GRIK2: variants seen among roughly 807,000 people sequenced by gnomAD.
The protein encoded by GRIK2 is glutamate receptor ionotropic, kainate 2.
In GRIK2, 32 loss-of-function variants were observed where a neutral mutation model predicts 100.3. The observed-to-expected ratio is 0.32, with a 90% confidence interval of 0.24 to 0.43. GRIK2 has a LOEUF of 0.43. Ranked by LOEUF, GRIK2 falls within the 20% of genes least tolerant of loss-of-function variation. The pLI is 1.00. For missense variants in GRIK2, 843 were observed against 1,114.9 expected (o/e 0.76, Z 3.47); for synonymous variants, 417 against 389.4 (o/e 1.07, Z -0.83).
chr6:101,489,725 A>G (rs1234497839), intron 2 of GRIK2, among the ~76,000 whole-genome samples: 1 of 145,788 alleles, frequency 6.9e-6, no homozygotes, highest in Non-Finnish European at 1.5e-5. Context: ...GATTTTAAGG[A>G]CTCCAGATAA....
chr6:101,793,113 A>T (rs1389229443), intron 7 of GRIK2, among the ~76,000 whole-genome samples: 2 of 151,962 alleles, frequency 1.3e-5, no homozygotes, highest in South Asian at 2.1e-4. Context: ...ATTCGTCTAA[A>T]TTTTTTTCAA....
chr6:101,647,183 C>A (rs764400406), intron 4 of GRIK2, among the ~76,000 whole-genome samples: 2 of 151,912 alleles, frequency 1.3e-5, no homozygotes, highest in Non-Finnish European at 2.9e-5. Context: ...GAACGCTATA[C>A]CTGTTCATAA....
intron 2 of GRIK2, among the ~76,000 whole-genome samples, chr6:101,400,796 G>A (rs1775262234): frequency 6.6e-6 from 1 of 152,174 alleles, no homozygotes; most frequent in Admixed American, 6.5e-5. Flanking sequence ...GATGCCCACA[G>A]TCAAAAAGCC....
intron 2 of GRIK2, among the ~76,000 whole-genome samples, chr6:101,616,954 G>GT (rs1208196158): frequency 3.3e-5 from 5 of 151,146 alleles, no homozygotes; most frequent in African/African-American, 9.7e-5. Flanking sequence ...TCAGTAGCTA[G>GT]TTTTTTTATT....
intron 2 of GRIK2, among the ~76,000 whole-genome samples, chr6:101,492,471 AT>A (rs869081384): frequency 6.6e-6 from 1 of 151,816 alleles, no homozygotes; most frequent in South Asian, 2.1e-4. Flanking sequence ...CTATGGACTC[AT>A]TTTTTTAAAA....
At chr6:101,649,733 T>C (rs1389747823) in intron 4 of GRIK2, among the ~76,000 whole-genome samples, 1 of 152,122 alleles carries the variant, frequency 6.6e-6, no homozygotes. Flanking sequence ...CCAGCAGTGT[T>C]ACTGTGCTTC....
chr6:101,867,765 AT>A (rs1173041358), intron 11 of GRIK2, among the ~76,000 whole-genome samples: 1 of 151,176 alleles, frequency 6.6e-6, no homozygotes, highest in Admixed American at 6.6e-5. Context: ...ATTTATATAT[AT>A]TTTTAAATTT....
chr6:101,618,590 A>G (rs1243550101), intron 2 of GRIK2, among the ~76,000 whole-genome samples: 2 of 151,704 alleles, frequency 1.3e-5, no homozygotes, highest in Non-Finnish European at 3.0e-5. Context: ...ATTGATTTTC[A>G]CCCATGTGTT....
chr6:101,550,337 C>T (rs1177749237), intron 2 of GRIK2, among the ~76,000 whole-genome samples: 1 of 152,078 alleles, frequency 6.6e-6, no homozygotes, highest in East Asian at 1.9e-4. Flanking sequence ...GATAATTGTC[C>T]ATGCAAGAGC....
intron 1 of GRIK2, among the ~76,000 whole-genome samples, chr6:101,398,611 G>A (rs1435458388): frequency 6.6e-6 from 1 of 152,178 alleles, no homozygotes; most frequent in Non-Finnish European, 1.5e-5. Flanking sequence ...AAATTCATCA[G>A]TTGATTGTAA....
intron 16 of GRIK2, among the ~76,000 whole-genome samples, chr6:102,066,833 T>A (rs2114540995): frequency 6.6e-6 from 1 of 151,834 alleles, no homozygotes; most frequent in East Asian, 1.9e-4. Flanking sequence ...ATTGTGAACC[T>A]TTACAGAAGA....
chr6:101,671,927 G>C (rs1359743019), intron 4 of GRIK2, among the ~76,000 whole-genome samples: 1 of 152,136 alleles, frequency 6.6e-6, no homozygotes, highest in Non-Finnish European at 1.5e-5. Context: ...CCCTTCTGAA[G>C]GGTACAGGTG....
At chr6:101,507,804 C>A (rs1562188468) in intron 2 of GRIK2, among the ~76,000 whole-genome samples, 1 of 152,058 alleles carries the variant, frequency 6.6e-6, no homozygotes, top group African/African-American at 2.4e-5. Flanking sequence ...GATCATGCCC[C>A]CAGAAGGGAG....
chr6:101,426,670 C>G (rs142473394), intron 2 of GRIK2, among the ~76,000 whole-genome samples: 1 of 152,230 alleles, frequency 6.6e-6, no homozygotes, highest in East Asian at 1.9e-4. Context: ...AATGGTGTAG[C>G]CCCTGTCATA....
At chr6:101,999,567 G>A (rs1794824174) in intron 14 of GRIK2, among the ~76,000 whole-genome samples, 1 of 151,920 alleles carries the variant, frequency 6.6e-6, no homozygotes, top group Non-Finnish European at 1.5e-5. Context: ...TGAGACATGT[G>A]TTAAGCTCTC....
chr6:101,397,816 T>C (rs1775073008), intron 1 of GRIK2, among the ~76,000 whole-genome samples: 1 of 152,150 alleles, frequency 6.6e-6, no homozygotes. Flanking sequence ...AGATTAATGA[T>C]AAGATATAGG....
At chr6:101,889,506 G>A (rs1786891349) in intron 11 of GRIK2, 134 bp from the exon 12 acceptor site, 3 of 557,046 alleles carry the variant, frequency 5.4e-6, no homozygotes, top group Non-Finnish European at 9.4e-6. Context: ...TAACATAATC[G>A]TTACTGAGGC....
At chr6:101,696,879 G>T (rs1408662806) in intron 7 of GRIK2, among the ~76,000 whole-genome samples, 1 of 151,956 alleles carries the variant, frequency 6.6e-6, no homozygotes, top group African/African-American at 2.4e-5. Flanking sequence ...TAGATGTGCA[G>T]CCAGATTTTT....
chr6:101,581,471 G>A (rs948840026), intron 2 of GRIK2, among the ~76,000 whole-genome samples: 15 of 151,926 alleles, frequency 9.9e-5, no homozygotes, highest in Admixed American at 8.5e-4. Flanking sequence ...ATCCAGCATG[G>A]GAGAAAGATG....
Sources: allele counts gnomAD v4.1 joint callset (sites outside exome capture counted in the v4.1 genomes callset), GRCh38; gene constraint gnomAD v4.1.1; transcripts MANE v1.5; gene names NCBI Gene and HGNC (gene_info 2026-07-23, HGNC 2026-07-21).